The following RFTN1 variants were observed in gnomAD, a reference collection of about 807,000 sequenced individuals.
The protein encoded by RFTN1 is raftlin.
A neutral mutation model predicts 46.5 loss-of-function variants in RFTN1; 26 were observed. The ratio of observed to expected loss-of-function variants is 0.56; its 90% CI spans 0.41 to 0.78. The LOEUF is 0.78. Among genes scored for constraint, RFTN1 ranks in the 30% least tolerant of loss-of-function variants. RFTN1 has a pLI of 0.00. For synonymous variants in RFTN1, 261 were observed against 284.2 expected, an observed-to-expected ratio of 0.92 and a Z score of 0.82; for missense variants, 693 against 718.7, an observed-to-expected ratio of 0.96 and a Z score of 0.41.
Position 16,335,200 on chromosome 3 carries a change from C to T in RFTN1, c.1147-8324G>A, listed in dbSNP as rs1468321556. Among the ~76,000 whole-genome samples, 1 of 152,152 alleles carries T rather than the reference C, an allele frequency of 6.6e-6. No individual in the cohort carries two copies. The highest frequency in any genetic ancestry group is 1.5e-5 in the Non-Finnish European group (1 of 68,018). Reference sequence around the variant, plus strand: ...TCCACAGCTCAGGGCCAGGAAAAGGCTGGGATGGGGATAAACACTTGGAGG... The same window carrying T: ...TCCACAGCTCAGGGCCAGGAAAAGGTTGGGATGGGGATAAACACTTGGAGG... On this transcript the variant is annotated intron_variant, in intron 7 of 9. Transcript: ENST00000334133. This position sits in a 1 kb window ranked among gnomAD's most constrained non-coding sequence, Gnocchi z 4.7.
rs1390811455 is a variant in RFTN1, at chr3:16,475,249, CT to C, written c.145+18475del. Among the ~76,000 whole-genome samples, 1 of 152,180 alleles carries C rather than the reference CT, an allele frequency of 6.6e-6. No individual in the cohort carries two copies. Among genetic ancestry groups the C allele is most frequent in the Non-Finnish European group, 1.5e-5 (1 of 68,024 alleles). On this transcript the variant is annotated intron_variant, in intron 2 of 9. Transcript: ENST00000334133. The surrounding 1 kb of genome is among the most constrained non-coding windows in gnomAD (Gnocchi z 4.2). ...CTGGTGGAATCATAATCCAAATAAACTTTTTTTCTTTATAAATTGCCCAGTT... is the reference window on the plus strand; with the variant it reads ...CTGGTGGAATCATAATCCAAATAAACTTTTTTCTTTATAAATTGCCCAGTT...
At chr3:16,405,276 T>G (rs981405999) in intron 4 of RFTN1, among the ~76,000 whole-genome samples, 3 of 152,116 alleles carry the variant, frequency 2.0e-5, no homozygotes, top group African/African-American at 7.2e-5. Context: ...AGCTTCTCAA[T>G]TTTTCATCCC....
rs908000894 is a variant in RFTN1 at position 16,466,849 on chromosome 3, A to C, written c.145+26876T>G. Among the ~76,000 whole-genome samples, 1 of 152,220 alleles carries C rather than the reference A, an allele frequency of 6.6e-6. No homozygotes were observed. The highest frequency in any genetic ancestry group is 2.4e-5 in the African/African-American group (1 of 41,464). The stretch of plus-strand genomic sequence containing the variant: ...AACATGGAAGGCAGTCCATCTTTCT[A>C]GACAGTGAGTATCTAATACAAGTCA... On this transcript the variant is annotated intron_variant, in intron 2 of 9. Coordinates refer to ENST00000334133, the MANE Select transcript of RFTN1 (RefSeq NM_015150.2). This position sits in a 1 kb window ranked among gnomAD's most constrained non-coding sequence, Gnocchi z 5.6.
chr3:16,441,720 A>G (rs939364035), intron 2 of RFTN1, among the ~76,000 whole-genome samples: 1 of 152,228 alleles, frequency 6.6e-6, no homozygotes, highest in African/African-American at 2.4e-5. Flanking sequence ...TACATCCGCT[A>G]ATGGATCTGT....
chr3:16,507,758 TACAC>T lies in RFTN1; in HGVS notation c.-9+5680_-9+5683del, dbSNP rs2076833048. Among the ~76,000 whole-genome samples, 1 of 147,458 alleles carries T rather than the reference TACAC, an allele frequency of 6.8e-6. No individual in the cohort carries two copies. Among genetic ancestry groups the T allele is most frequent in the South Asian group, 2.2e-4 (1 of 4,612 alleles). ...ATACACACATACATGCACACTCACA[TACAC>T]ACAAACACACACATACACTCACATA... On this transcript the variant is annotated intron_variant, in intron 1 of 9. Coordinates refer to ENST00000334133, the MANE Select transcript of RFTN1 (RefSeq NM_015150.2). The surrounding 1 kb of genome is among the most constrained non-coding windows in gnomAD (Gnocchi z 7.1).
At chr3:16,417,922 G>A (rs1300050870) in intron 3 of RFTN1, among the ~76,000 whole-genome samples, 1 of 152,044 alleles carries the variant, frequency 6.6e-6, no homozygotes, top group African/African-American at 2.4e-5. Context: ...TGCCCAGGCT[G>A]GTCTCAAATT....
Position 16,370,065 on chromosome 3 carries a change from T to A in RFTN1, c.1030+11A>T, listed in dbSNP as rs1037193028. 1.2e-6 allele frequency: 2 copies of A among 1,613,286 alleles called. No individual in the cohort carries two copies. The highest frequency in any genetic ancestry group is 2.7e-5 in the African/African-American group (2 of 74,918). On this transcript the variant is annotated intron_variant, in intron 6 of 9. Coordinates refer to ENST00000334133, the MANE Select transcript of RFTN1 (RefSeq NM_015150.2). This position sits in a 1 kb window ranked among gnomAD's most constrained non-coding sequence, Gnocchi z 5.5. ...AAAGGGCCACCCAAGGACTGTGAAT[T>A]CCAAACATACCATTCACTATTCCAA... is the stretch of plus-strand genomic sequence containing the variant.
chr3:16,481,008 C>A lies in RFTN1; in HGVS notation c.145+12717G>T, dbSNP rs1371340474. On this transcript the variant is annotated intron_variant, in intron 2 of 9. Transcript: ENST00000334133. The surrounding 1 kb of genome is among the most constrained non-coding windows in gnomAD (Gnocchi z 5.1). ...GCACACACACACACAGACACACACA[C>A]ACACACACACACACACACACACCTG... Among the ~76,000 whole-genome samples the A allele has an allele frequency of 6.6e-6, 1 of 151,308 alleles. No individual in the cohort carries two copies. Among genetic ancestry groups the A allele is most frequent in the East Asian group, 1.9e-4 (1 of 5,168 alleles).
Position 16,425,889 on chromosome 3 carries a change from TC to T in RFTN1, c.332+7961del, listed in dbSNP as rs2075281047. On this transcript the variant is annotated intron_variant, in intron 3 of 9. Transcript: ENST00000334133. This position sits in a 1 kb window ranked among gnomAD's most constrained non-coding sequence, Gnocchi z 4.3. ...GCAGCCCGGAGAGCTAATCAAATCC[TC>T]CACACCCCTCAGGAAGCTAGAGAAA... Among the ~76,000 whole-genome samples the T allele has an allele frequency of 6.6e-6, 1 of 151,954 alleles. No homozygotes were observed. Among genetic ancestry groups the T allele is most frequent in the Admixed American group, 6.6e-5 (1 of 15,246 alleles).
rs1243574928 is a variant in RFTN1, at chr3:16,429,641, T to C, written c.332+4210A>G. Among the ~76,000 whole-genome samples the C allele has an allele frequency of 6.6e-6, 1 of 152,168 alleles. No homozygotes were observed. Among genetic ancestry groups the C allele is most frequent in the African/African-American group, 2.4e-5 (1 of 41,442 alleles). On this transcript the variant is annotated intron_variant, in intron 3 of 9. Coordinates refer to ENST00000334133, the MANE Select transcript of RFTN1 (RefSeq NM_015150.2). The surrounding 1 kb of genome is among the most constrained non-coding windows in gnomAD (Gnocchi z 6.4). Reference sequence around the variant, plus strand: ...CTAACTTCCCACCACATAGAGCTCCTAGCACAATACTCTGAAAAGAGTACT... The same window carrying C: ...CTAACTTCCCACCACATAGAGCTCCCAGCACAATACTCTGAAAAGAGTACT...
Position 16,484,040 on chromosome 3 carries a change from G to T in RFTN1, c.145+9685C>A, listed in dbSNP as rs570634188. ...GGAGATTGACATTATTTTAGATGAG[G>T]CCATGGAACTGGCCTATCATCTCCC... On this transcript the variant is annotated intron_variant, in intron 2 of 9. Transcript: ENST00000334133. The surrounding 1 kb of genome is among the most constrained non-coding windows in gnomAD (Gnocchi z 4.6). Among the ~76,000 whole-genome samples the T allele has an allele frequency of 2.0e-5, 3 of 152,272 alleles. No homozygotes were observed. The South Asian group carries it at 6.2e-4, about 32-fold the overall frequency.
intron 5 of RFTN1, among the ~76,000 whole-genome samples, chr3:16,377,315 TA>T (rs1428743108): frequency 1.3e-5 from 2 of 152,178 alleles, no homozygotes; most frequent in Non-Finnish European, 2.9e-5. Flanking sequence ...TGCTCAGCTG[TA>T]AAATGTCTTG....
intron 4 of RFTN1, among the ~76,000 whole-genome samples, chr3:16,394,879 T>C (rs568262592): frequency 1.0e-3 from 152 of 152,294 alleles, no homozygotes; most frequent in African/African-American, 3.5e-3. Flanking sequence ...GATAGCATCA[T>C]TTATGAATTT....
chr3:16,321,636 G>C lies in RFTN1; in HGVS notation c.1332+1740C>G, dbSNP rs750795937. On this transcript the variant is annotated intron_variant, in intron 9 of 9. Transcript: ENST00000334133. The surrounding 1 kb of genome is among the most constrained non-coding windows in gnomAD (Gnocchi z 4.8). Reference sequence around the variant, plus strand: ...TCTGTGAGGTGACCCAGAGGGTCTTGTGTAGAACAAGTGCTCCACACCAGT... The same window carrying C: ...TCTGTGAGGTGACCCAGAGGGTCTTCTGTAGAACAAGTGCTCCACACCAGT... Among the ~76,000 whole-genome samples, 12 of 152,172 alleles carry C rather than the reference G, an allele frequency of 7.9e-5. No individual in the cohort carries two copies. Among genetic ancestry groups the C allele is most frequent in the Non-Finnish European group, 1.8e-4 (12 of 68,022 alleles).
At chr3:16,323,301 T>A in intron 9 of RFTN1, 75 bp downstream of exon 9, 1 of 1,158,180 alleles carries the variant, frequency 8.6e-7, no homozygotes, top group Non-Finnish European at 1.3e-6. Flanking sequence ...GGCTGCCCCC[T>A]CAAATGCTGC....
chr3:16,423,624 A>G (rs2075236552), intron 3 of RFTN1, among the ~76,000 whole-genome samples: 1 of 152,248 alleles, frequency 6.6e-6, no homozygotes, highest in South Asian at 2.1e-4. Flanking sequence ...CAAGGACTCC[A>G]GCCAGCCACA....
chr3:16,404,847 A>C (rs769324136), intron 4 of RFTN1, among the ~76,000 whole-genome samples: 118 of 152,012 alleles, frequency 7.8e-4, no homozygotes, highest in Non-Finnish European at 1.5e-3. Flanking sequence ...GGAGGGTCTA[A>C]TCCAGGCTCC....
chr3:16,485,338 G>C (rs1463767101), intron 2 of RFTN1, among the ~76,000 whole-genome samples: 1 of 152,102 alleles, frequency 6.6e-6, no homozygotes, highest in Non-Finnish European at 1.5e-5. Flanking sequence ...CAACAGCACA[G>C]ACTCCATGCA....
chr3:16,415,430 T>TATATATATATACACACACACAC lies in RFTN1; in HGVS notation c.333-5948_333-5947insGTGTGTGTGTGTATATATATAT. Among the ~76,000 whole-genome samples, 3 of 114,274 alleles carry TATATATATATACACACACACAC rather than the reference T, an allele frequency of 2.6e-5. 1 individual carries two copies. Among genetic ancestry groups the TATATATATATACACACACACAC allele is most frequent in the Non-Finnish European group, 4.0e-5 (2 of 49,526 alleles). 75.0% of individuals were successfully genotyped at this position (114,274 alleles called of 152,430 possible). On this transcript the variant is annotated intron_variant, in intron 3 of 9. Transcript: ENST00000334133. ...TTGAGTATATATATATATATATATA[T>TATATATATATACACACACACAC]ACACACACACACACACATATATACT... is the stretch of plus-strand genomic sequence containing the variant.
Sources: allele counts gnomAD v4.1 joint callset (sites outside exome capture counted in the v4.1 genomes callset), GRCh38; gene constraint gnomAD v4.1.1; non-coding constraint Gnocchi (gnomAD v3.1); transcripts MANE v1.5; gene names NCBI Gene and HGNC (gene_info 2026-07-23, HGNC 2026-07-21).